Variants in SYCP2L observed in about 807,000 individuals in gnomAD.
SYCP2L encodes the protein synaptonemal complex protein 2 like, also known as synaptonemal complex protein 2-like.
Under a neutral mutation model 125.8 loss-of-function variants are expected in SYCP2L, and 98 were observed. That is an observed-to-expected ratio of 0.78 (90% CI 0.66 to 0.92). SYCP2L has a LOEUF of 0.92. Ranked by LOEUF, SYCP2L falls within the 40% of genes least tolerant of loss-of-function variation. The pLI is 0.00. For synonymous variants in SYCP2L, 317 were observed against 325.4 expected, an observed-to-expected ratio of 0.97 and a Z score of 0.28; for missense variants, 842 against 936.4, an observed-to-expected ratio of 0.90 and a Z score of 1.32.
intron 29 of SYCP2L, among the ~76,000 whole-genome samples, chr6:10,966,257 G>T (rs1181959379): frequency 6.6e-6 from 1 of 152,140 alleles, no homozygotes; most frequent in Non-Finnish European, 1.5e-5. Flanking sequence ...TTCGATATTA[G>T]GGAATCTACT....
At chr6:10,926,504 T>C in intron 16 of SYCP2L, 72 bp downstream of exon 16, 1 of 1,233,820 alleles carries the variant, frequency 8.1e-7, no homozygotes, top group Non-Finnish European at 1.2e-6. Context: ...TTGGAAGAGG[T>C]CACTGGAAAC....
At chr6:10,957,429 C>T (rs1781519041) in intron 25 of SYCP2L, among the ~76,000 whole-genome samples, 1 of 152,240 alleles carries the variant, frequency 6.6e-6, no homozygotes, top group East Asian at 1.9e-4. Flanking sequence ...TCATTGGTAG[C>T]ATTTTCAGAC....
Position 10,910,200 on chromosome 6 carries a change from G to A in SYCP2L, c.872G>A (p.Arg291Lys), listed in dbSNP as rs751695019. The change falls in exon 11 of 30, where the codon AGG (arginine) becomes AAG (lysine). Residue 291 changes from arginine (R) to lysine (K), a missense_variant and splice_region_variant. Physicochemically the swap from Arg to Lys is conservative, Grantham distance 26. Transcript: ENST00000283141. ...AACAACAGACTTGGTGACCAAAGAA[G>A]GTAAGTTGTGTCTCTGAGCATTATT... is the stretch of plus-strand genomic sequence containing the variant. ...HLNNRLGDQRRVYSFPCIAAF... is the reference protein window; with the variant it reads ...HLNNRLGDQRKVYSFPCIAAF... 44 of 1,613,358 alleles carry A rather than the reference G, an allele frequency of 2.7e-5. No homozygotes were observed. Among genetic ancestry groups the A allele is most frequent in the Middle Eastern group, 3.3e-4 (2 of 6,036 alleles).
intron 14 of SYCP2L, among the ~76,000 whole-genome samples, chr6:10,923,011 G>A (rs1187992263): frequency 2.0e-5 from 3 of 151,920 alleles, no homozygotes; most frequent in African/African-American, 7.3e-5. Flanking sequence ...TTCTTCTTTT[G>A]TGTACTGAGT....
At chr6:10,923,542 C>T (rs1254438508) in intron 14 of SYCP2L, among the ~76,000 whole-genome samples, 5 of 151,734 alleles carry the variant, frequency 3.3e-5, no homozygotes, top group African/African-American at 7.3e-5. Flanking sequence ...TGCACCACCA[C>T]GCCCAGCTAA....
intron 29 of SYCP2L, among the ~76,000 whole-genome samples, chr6:10,969,585 C>T (rs1056216560): frequency 8.6e-5 from 13 of 151,816 alleles, no homozygotes; most frequent in African/African-American, 1.5e-4. Flanking sequence ...AGGATGGTCT[C>T]GATCTCCTGA....
intron 14 of SYCP2L, among the ~76,000 whole-genome samples, chr6:10,915,365 G>A (rs1187920922): frequency 1.3e-5 from 2 of 152,186 alleles, no homozygotes; most frequent in Non-Finnish European, 2.9e-5. Flanking sequence ...ATGTTGAAGA[G>A]GAGTGGTGAG....
intron 15 of SYCP2L, among the ~76,000 whole-genome samples, chr6:10,924,983 T>C (rs538054344): frequency 1.7e-4 from 26 of 152,300 alleles, no homozygotes; most frequent in African/African-American, 5.8e-4. Flanking sequence ...CAGCTCCCCC[T>C]GGACCTAGGG....
chr6:10,889,441 A>G (rs919892704), intron 1 of SYCP2L, among the ~76,000 whole-genome samples: 4 of 152,180 alleles, frequency 2.6e-5, no homozygotes, highest in Non-Finnish European at 5.9e-5. Context: ...ATCTACTCGT[A>G]TAGCTATTTG....
chr6:10,907,892 G>GTTTTTTTTTTTGTTTTTTTTTT (rs1554105094), intron 10 of SYCP2L, among the ~76,000 whole-genome samples: 1 of 91,922 alleles, frequency 1.1e-5, no homozygotes, highest in Non-Finnish European at 2.0e-5. Flanking sequence ...ATACAGATAG[G>GTTTTTTTTTTTGTTTTTTTTTT]TTTTTTTTTT....
intron 1 of SYCP2L, among the ~76,000 whole-genome samples, chr6:10,888,804 C>T (rs1780125682): frequency 1.3e-5 from 2 of 152,118 alleles, no homozygotes; most frequent in African/African-American, 2.4e-5. Context: ...GTTGACAAAA[C>T]TTAGAAATTA....
At chr6:10,930,341 A>T in intron 18 of SYCP2L, 29 bp from the exon 19 acceptor site, 1 of 1,595,886 alleles carries the variant, frequency 6.3e-7, no homozygotes. Context: ...ACCCCTCTAA[A>T]AATTCTCATT....
Position 10,893,898 on chromosome 6 carries a change from A to C in SYCP2L, c.110A>C (p.Asp37Ala), listed in dbSNP as rs532751905. 2.5e-6 allele frequency: 4 copies of C among 1,610,298 alleles called. No individual in the cohort carries two copies. Among genetic ancestry groups the C allele is most frequent in the Non-Finnish European group, 3.4e-6 (4 of 1,179,242 alleles). Residue 37 changes from aspartate (D) to alanine (A), a missense_variant, in exon 3 of 30, where the codon GAT becomes GCT. Asp to Ala is a moderately radical substitution (Grantham distance 126, BLOSUM62 -2). Coordinates refer to ENST00000283141, the MANE Select transcript of SYCP2L (RefSeq NM_001040274.3). Reference sequence around the variant, plus strand: ...TCACTTATTACGGATGCATTCCATGATAAAGGATTTCAGAAAATAAAAGAA... The same window carrying C: ...TCACTTATTACGGATGCATTCCATGCTAAAGGATTTCAGAAAATAAAAGAA... The part of the protein sequence containing the change: ...LQSLITDAFH[D>A]KGFQKIKEYF...
At chr6:10,961,463 C>T (rs773230821) in intron 27 of SYCP2L, 37 bp from the exon 28 acceptor site, 19 of 1,613,128 alleles carry the variant, frequency 1.2e-5, no homozygotes, top group African/African-American at 8.0e-5. Flanking sequence ...GGAAAAATAA[C>T]GCTAGCTACT....
rs760799137 is a variant in SYCP2L at position 10,912,642 on chromosome 6, G to A, written c.919-31G>A. 1.7e-5 allele frequency: 25 copies of A among 1,493,260 alleles called. No individual in the cohort carries two copies. Among genetic ancestry groups the A allele is most frequent in the East Asian group, 2.3e-5 (1 of 44,336 alleles). 92.5% of individuals were successfully genotyped at this position (1,493,260 alleles called of 1,614,324 possible). On this transcript the variant is annotated intron_variant, in intron 12 of 29. Coordinates refer to ENST00000283141, the MANE Select transcript of SYCP2L (RefSeq NM_001040274.3). The surrounding 1 kb of genome is among the most constrained non-coding windows in gnomAD (Gnocchi z 4.1). ...TGACCCTATAGCATGATTTTTATGT[G>A]TATAAGTCATGCTGAAATGATCTCT... is the stretch of plus-strand genomic sequence containing the variant.
intron 18 of SYCP2L, among the ~76,000 whole-genome samples, chr6:10,929,039 A>C (rs751696440): frequency 4.6e-5 from 7 of 151,602 alleles, no homozygotes; most frequent in Non-Finnish European, 8.8e-5. Flanking sequence ...TTATAGGGGC[A>C]TGCCACCATG....
At chr6:10,953,595 T>C (rs369032485) in intron 23 of SYCP2L, among the ~76,000 whole-genome samples, 20 of 152,330 alleles carry the variant, frequency 1.3e-4, no homozygotes, top group African/African-American at 4.3e-4. Context: ...TCAGGTGTTT[T>C]ATTTGTAGGA....
At chr6:10,916,513 T>C (rs753951096) in intron 14 of SYCP2L, among the ~76,000 whole-genome samples, 1 of 152,244 alleles carries the variant, frequency 6.6e-6, no homozygotes, top group Non-Finnish European at 1.5e-5. Context: ...TTTGATAGGT[T>C]GTGTCACTGT....
intron 25 of SYCP2L, among the ~76,000 whole-genome samples, chr6:10,957,981 C>T (rs1156327248): frequency 6.6e-6 from 1 of 151,986 alleles, no homozygotes; most frequent in African/African-American, 2.4e-5. Flanking sequence ...CCTTTTTTGT[C>T]CTGTTACTTA....
Sources: gnomAD v4.1 joint callset for allele counts (sites outside exome capture counted in the v4.1 genomes callset) on GRCh38, gnomAD v4.1.1 for gene constraint, Gnocchi (gnomAD v3.1) non-coding constraint, MANE v1.5 for transcripts, NCBI Gene and HGNC (gene_info 2026-07-23, HGNC 2026-07-21) for gene names.